Variants in ANO1 observed in about 807,000 individuals in gnomAD.
ANO1 encodes anoctamin 1.
Under a neutral mutation model 124.0 loss-of-function variants are expected in ANO1, and 59 were observed. The ratio of observed to expected loss-of-function variants is 0.48; its 90% CI spans 0.39 to 0.59. The LOEUF (loss-of-function observed/expected upper bound fraction) is 0.59, where lower values mean the gene tolerates loss of function less well. ANO1 is among the 20% of genes least tolerant of loss of function. The pLI is 0.00. For missense variants in ANO1, 1,059 were observed against 1,328.0 expected, an observed-to-expected ratio of 0.80 and a Z score of 3.15; for synonymous variants, 529 against 532.0, an observed-to-expected ratio of 0.99 and a Z score of 0.08.
At chr11:70,170,852 A>G (rs1409656329) in intron 21 of ANO1, 35 bp from the exon 22 acceptor site, 2 of 1,604,610 alleles carry the variant, frequency 1.2e-6, no homozygotes, top group Non-Finnish European at 8.5e-7. Flanking sequence ...GCTGTGGCTC[A>G]CGGGGTGCTG....
rs775159209 is a variant in ANO1, at chr11:70,118,069, C to T, written c.897+1570C>T. 2.2e-4 allele frequency among the ~76,000 whole-genome samples: 34 copies of T among 152,248 alleles called. 1 individual carries two copies. Among genetic ancestry groups the T allele is most frequent in the Admixed American group, 1.7e-3 (26 of 15,280 alleles). On this transcript the variant is annotated intron_variant, in intron 8 of 25. Coordinates refer to ENST00000355303, the MANE Select transcript of ANO1 (RefSeq NM_018043.7). The stretch of plus-strand genomic sequence containing the variant: ...CAGAGTCCAGCCCCCTTCATCCCTC[C>T]GCACCCCTCTGGCACTTGGCAGATG...
At chr11:70,099,730 A>G (rs916280767) in intron 2 of ANO1, among the ~76,000 whole-genome samples, 4 of 152,312 alleles carry the variant, frequency 2.6e-5, no homozygotes, top group Admixed American at 1.3e-4. Flanking sequence ...CAGCTGGACC[A>G]GGGCTGCCAA....
chr11:70,073,568 A>G (rs1271406781), upstream of ANO1, among the ~76,000 whole-genome samples: 1 of 152,102 alleles, frequency 6.6e-6, no homozygotes, highest in Non-Finnish European at 1.5e-5. Flanking sequence ...TGAAGCCCAA[A>G]AAACTGAGGA....
chr11:70,077,940 CG>C (rs1253061115), upstream of ANO1, among the ~76,000 whole-genome samples: 1 of 152,048 alleles, frequency 6.6e-6, no homozygotes, highest in African/African-American at 2.4e-5. Context: ...GCAAGCTCCC[CG>C]GAGGAGGTGA....
chr11:70,118,907 T>C (rs1283895345), intron 8 of ANO1, among the ~76,000 whole-genome samples: 1 of 143,460 alleles, frequency 7.0e-6, no homozygotes, highest in Non-Finnish European at 1.5e-5. Flanking sequence ...GATGGATGCA[T>C]GCTGGAGGGA....
intron 5 of ANO1, 101 bp downstream of exon 5, chr11:70,105,889 C>A (rs1051407011): frequency 1.7e-6 from 2 of 1,186,968 alleles, no homozygotes; most frequent in Non-Finnish European, 2.5e-6. Flanking sequence ...TGGAAGCCGG[C>A]TCTAATTGTC....
intron 1 of ANO1, among the ~76,000 whole-genome samples, chr11:70,070,000 G>C (rs377190335): frequency 6.6e-6 from 1 of 152,184 alleles, no homozygotes. Context: ...CTACATAAGC[G>C]AAGGGATTGA....
intron 1 of ANO1, among the ~76,000 whole-genome samples, chr11:69,988,621 T>A (rs1006907147): frequency 3.3e-5 from 5 of 152,152 alleles, no homozygotes; most frequent in Admixed American, 6.5e-5. Flanking sequence ...ACAAGCCCAC[T>A]CTCCCAGGGA....
chr11:70,145,375 T>C (rs562214846), intron 11 of ANO1, among the ~76,000 whole-genome samples: 1 of 152,322 alleles, frequency 6.6e-6, no homozygotes, highest in South Asian at 2.1e-4. Flanking sequence ...GGGATGATCA[T>C]TGCTTAGCTC....
chr11:70,023,573 G>A lies in ANO1; in HGVS notation c.58+37407G>A, dbSNP rs12225307. ...GGCCCAGTACTGAGATGGTCTAGTC[G>A]CTGCCAACATCAGGGCTTAGGGAAG... On this transcript the variant is annotated intron_variant, in intron 1 of 27. Transcript: ENST00000531349. 0.02 allele frequency among the ~76,000 whole-genome samples: 3,094 copies of A among 152,250 alleles called. 210 individuals carry two copies. The East Asian group carries it at 0.23, about 12-fold the overall frequency.
At chr11:69,975,645 G>A in the ANO1 span, among the ~76,000 whole-genome samples, 1 of 152,176 alleles carries the variant, frequency 6.6e-6, no homozygotes, top group Non-Finnish European at 1.5e-5. Context: ...TCCTTATGGG[G>A]TTTATCCCTC....
At position 70,182,621 on chromosome 11, in the gene ANO1, T is replaced by C. The variant is rs1010117518; in HGVS notation, c.2523T>C (p.Ser841=). 1 of 1,613,428 alleles carries C rather than the reference T, an allele frequency of 6.2e-7. No homozygotes were observed. Among genetic ancestry groups the C allele is most frequent in the African/African-American group, 1.3e-5 (1 of 74,882 alleles). The change falls in exon 24 of 26, where the codon AGT becomes AGC. Residue 841 remains serine, a synonymous_variant. Transcript: ENST00000355303. ...ACACCCTCTCCTCCTTCAACGTCAGTGACTTCCAGAACGGCACGGCCCCCA... is the reference window on the plus strand; with the variant it reads ...ACACCCTCTCCTCCTTCAACGTCAGCGACTTCCAGAACGGCACGGCCCCCA... The part of the protein sequence containing the change: ...VNHTLSSFNV[S]DFQNGTAPND...
chr11:70,156,496 T>C (rs1021152366), intron 15 of ANO1, among the ~76,000 whole-genome samples: 4 of 152,216 alleles, frequency 2.6e-5, no homozygotes, highest in Admixed American at 2.6e-4. Context: ...CTTGTAGTGC[T>C]AGCTGCTTGT....
rs951686359 is a variant in ANO1 at position 70,163,285 on chromosome 11, T to A, written c.1895T>A (p.Phe632Tyr). 4 of 1,613,368 alleles carry A rather than the reference T, an allele frequency of 2.5e-6. No individual in the cohort carries two copies. The highest frequency in any genetic ancestry group is 3.4e-6 in the Non-Finnish European group (4 of 1,179,856). The change falls in exon 19 of 26, where the codon TTT becomes TAT. Residue 632 changes from phenylalanine to tyrosine, a missense_variant and splice_region_variant. By Grantham distance (22) the Phe-to-Tyr change is conservative (BLOSUM62 3). This residue lies in a region of ANO1 where 809 missense variants were observed against 1,094.9 expected (regional missense o/e 0.74). Transcript: ENST00000355303. ...IFYVAFFKGRFVGRPGDYVYI... is the reference protein window; with the variant it reads ...IFYVAFFKGRYVGRPGDYVYI... ...AACGACCTCCCCCATCGTTTCAGGT[T>A]TGTTGGACGCCCGGGCGACTACGTG...
chr11:70,074,122 T>C (rs1055663957), upstream of ANO1, among the ~76,000 whole-genome samples: 1 of 152,196 alleles, frequency 6.6e-6, no homozygotes, highest in Non-Finnish European at 1.5e-5. Context: ...GTTTCTGTCC[T>C]ACGCGGGTTG....
At chr11:70,114,988 C>G (rs1032166083) in intron 7 of ANO1, among the ~76,000 whole-genome samples, 2 of 152,132 alleles carry the variant, frequency 1.3e-5, no homozygotes, top group Admixed American at 1.3e-4. Context: ...TCCTGACTAA[C>G]GAGGTCACCA....
intron 1 of ANO1, among the ~76,000 whole-genome samples, chr11:70,071,283 G>A (rs1291659382): frequency 1.3e-5 from 2 of 152,138 alleles, no homozygotes; most frequent in Non-Finnish European, 2.9e-5. Context: ...ATAGTAAAAG[G>A]GTCCAATATG....
upstream of ANO1, chr11:70,078,154 G>A (rs1430201286): frequency 1.3e-5 from 2 of 152,386 alleles, no homozygotes; most frequent in African/African-American, 4.8e-5. Flanking sequence ...ATCCAAAGGG[G>A]CACTTTCCCT....
At chr11:70,060,206 T>C (rs1235353952) in intron 1 of ANO1, among the ~76,000 whole-genome samples, 1 of 152,130 alleles carries the variant, frequency 6.6e-6, no homozygotes. Context: ...AGTATAAATG[T>C]TAATGTGCAT....
Sources: gnomAD v4.1 joint callset for allele counts (sites outside exome capture counted in the v4.1 genomes callset) on GRCh38, gnomAD v4.1.1 for gene constraint, gnomAD v4.1.1 regional missense constraint, MANE v1.5 for transcripts, NCBI Gene and HGNC (gene_info 2026-07-23, HGNC 2026-07-21) for gene names.